The following SORCS1 variants were observed in gnomAD, a reference collection of about 807,000 sequenced individuals.
SORCS1 encodes the protein VPS10 domain-containing receptor SorCS1.
SORCS1 carries 60 observed loss-of-function variants against 146.1 expected under a neutral mutation model. That is an observed-to-expected ratio of 0.41 (90% CI 0.33 to 0.51). The LOEUF is 0.51. Ranked by LOEUF, SORCS1 falls within the 20% of genes least tolerant of loss-of-function variation. The pLI is 0.21. For missense variants in SORCS1, 1,352 were observed against 1,487.6 expected (o/e 0.91, Z 1.50); for synonymous variants, 637 against 584.0 (o/e 1.09, Z -1.31).
chr10:107,156,240 T>A (rs1969272602), intron 1 of SORCS1, among the ~76,000 whole-genome samples: 3 of 152,142 alleles, frequency 2.0e-5, no homozygotes, highest in Admixed American at 1.3e-4. Flanking sequence ...AATAAACCCA[T>A]ACAAAGCATG....
intron 1 of SORCS1, among the ~76,000 whole-genome samples, chr10:106,969,355 G>A (rs370637964): frequency 6.6e-6 from 1 of 152,164 alleles, no homozygotes; most frequent in South Asian, 2.1e-4. Context: ...AAATAGTGTA[G>A]GTTATACTTT....
chr10:106,983,422 AT>A (rs1369011234), intron 1 of SORCS1, among the ~76,000 whole-genome samples: 2 of 151,998 alleles, frequency 1.3e-5, no homozygotes, highest in African/African-American at 4.8e-5. Flanking sequence ...ACTTTACCTC[AT>A]AGGTAGTAGA....
chr10:106,641,302 C>T (rs187491009), intron 18 of SORCS1, among the ~76,000 whole-genome samples: 1 of 152,102 alleles, frequency 6.6e-6, no homozygotes, highest in African/African-American at 2.4e-5. Flanking sequence ...AGGAAAGAAT[C>T]CCATTTCTTG....
intron 24 of SORCS1, among the ~76,000 whole-genome samples, chr10:106,587,952 G>A (rs1414527378): frequency 2.6e-5 from 4 of 152,034 alleles, no homozygotes; most frequent in Non-Finnish European, 5.9e-5. Flanking sequence ...AACTCCAGAC[G>A]AACAGCGACC....
Position 107,112,612 on chromosome 10 carries a change from T to A in SORCS1, c.558+51357A>T, listed in dbSNP as rs879537308. ...GAGTGTCTGAATGGGTTAAAAAAAA[T>A]CAACAATATGCTACCTAAAATAGAC... On this transcript the variant is annotated intron_variant, in intron 1 of 25. Coordinates refer to ENST00000263054, the MANE Select transcript of SORCS1 (RefSeq NM_052918.5). 1.4e-4 allele frequency among the ~76,000 whole-genome samples: 21 copies of A among 152,012 alleles called. 1 individual carries two copies. Among genetic ancestry groups the A allele is most frequent in the Admixed American group, 3.3e-4 (5 of 15,262 alleles).
chr10:107,146,652 C>T (rs929685211), intron 1 of SORCS1, among the ~76,000 whole-genome samples: 1 of 152,094 alleles, frequency 6.6e-6, no homozygotes, highest in African/African-American at 2.4e-5. Context: ...GTCATAGCGT[C>T]CTAAACGCAG....
intron 1 of SORCS1, among the ~76,000 whole-genome samples, chr10:107,026,935 C>A (rs2133904868): frequency 1.3e-5 from 2 of 151,230 alleles, no homozygotes; most frequent in Admixed American, 1.3e-4. Flanking sequence ...AAGGGACTCT[C>A]TAATGCGTCT....
At chr10:107,024,503 G>A (rs1012306275) in intron 1 of SORCS1, among the ~76,000 whole-genome samples, 6 of 152,150 alleles carry the variant, frequency 3.9e-5, no homozygotes, top group African/African-American at 1.4e-4. Flanking sequence ...TTCCAACACT[G>A]GGGGTCAAAT....
chr10:106,707,296 C>G (rs887994426), intron 7 of SORCS1, among the ~76,000 whole-genome samples: 1 of 151,542 alleles, frequency 6.6e-6, no homozygotes, highest in African/African-American at 2.4e-5. Context: ...TCAAGTGATT[C>G]TCCTGCCTTA....
intron 1 of SORCS1, among the ~76,000 whole-genome samples, chr10:107,163,581 C>T (rs1969869082): frequency 6.6e-6 from 1 of 152,186 alleles, no homozygotes; most frequent in Admixed American, 6.5e-5. Flanking sequence ...ATAGGTCTGG[C>T]AAGTAAAGGG....
intron 3 of SORCS1, among the ~76,000 whole-genome samples, chr10:106,812,506 T>C (rs948829452): frequency 1.5e-4 from 23 of 152,220 alleles, no homozygotes; most frequent in Admixed American, 1.3e-3. Flanking sequence ...GGCAGATTTC[T>C]AGTTCCAATT....
chr10:106,644,809 C>G (rs1205491014), intron 18 of SORCS1, among the ~76,000 whole-genome samples: 1 of 152,120 alleles, frequency 6.6e-6, no homozygotes, highest in African/African-American at 2.4e-5. Flanking sequence ...TTAGTTTGCT[C>G]TTTTTCATTG....
chr10:107,139,958 C>T lies in SORCS1; in HGVS notation c.558+24011G>A, dbSNP rs139979715. ...AGTGTTTAAGTAATTTCTTTGAAGT[C>T]ACCTGGCTAGCAAAAAGTGGAGAAA... is the stretch of plus-strand genomic sequence containing the variant. On this transcript the variant is annotated intron_variant, in intron 1 of 25. Transcript: ENST00000263054. Among the ~76,000 whole-genome samples the T allele has an allele frequency of 3.6e-4, 55 of 152,292 alleles. No individual in the cohort carries two copies. The East Asian group carries it at 0.011, about 29-fold the overall frequency.
At chr10:106,693,994 A>T (rs1250756154) in intron 9 of SORCS1, among the ~76,000 whole-genome samples, 1 of 152,178 alleles carries the variant, frequency 6.6e-6, no homozygotes, top group Non-Finnish European at 1.5e-5. Context: ...TCAAAAAAAA[A>T]TTAAAAAGAT....
chr10:107,002,323 G>A (rs1387137137), intron 1 of SORCS1, among the ~76,000 whole-genome samples: 1 of 152,234 alleles, frequency 6.6e-6, no homozygotes, highest in East Asian at 1.9e-4. Flanking sequence ...AGACCGTATT[G>A]GAACTAAAAA....
chr10:106,627,880 T>C (rs1313427203), intron 19 of SORCS1, among the ~76,000 whole-genome samples: 2 of 152,232 alleles, frequency 1.3e-5, no homozygotes, highest in Non-Finnish European at 2.9e-5. Context: ...GACCTGAGTC[T>C]GAAGCATGGT....
At chr10:106,710,641 C>T (rs11193018) in intron 6 of SORCS1, among the ~76,000 whole-genome samples, 3,631 of 152,130 alleles carry the variant, frequency 0.024, 84 homozygotes, top group East Asian at 0.089. Context: ...AGCACACTAT[C>T]CTGGCCTCTA....
At chr10:106,659,707 GC>G (rs1402101391) in intron 17 of SORCS1, among the ~76,000 whole-genome samples, 1 of 152,098 alleles carries the variant, frequency 6.6e-6, no homozygotes, top group Non-Finnish European at 1.5e-5. Flanking sequence ...GTGTTCTCTT[GC>G]CACTGTACCA....
chr10:106,758,312 C>A (rs1248616945), intron 5 of SORCS1, among the ~76,000 whole-genome samples: 1 of 152,064 alleles, frequency 6.6e-6, no homozygotes, highest in Non-Finnish European at 1.5e-5. Context: ...ATATATGTAC[C>A]ATTTACATGG....
Sources: gnomAD v4.1 joint callset for allele counts (sites outside exome capture counted in the v4.1 genomes callset) on GRCh38, gnomAD v4.1.1 for gene constraint, MANE v1.5 for transcripts, NCBI Gene and HGNC (gene_info 2026-07-23, HGNC 2026-07-21) for gene names.